Variants in CHD8 observed in about 807,000 individuals in gnomAD.
CHD8 encodes chromodomain helicase DNA binding protein 8.
CHD8 carries 31 observed loss-of-function variants against 279.2 expected under a neutral mutation model. The observed-to-expected ratio is 0.11, with a 90% CI of 0.08 to 0.15. The LOEUF (loss-of-function observed/expected upper bound fraction) is 0.15, where lower values mean the gene tolerates loss of function less well. Ranked by LOEUF, CHD8 falls within the 10% of genes least tolerant of loss-of-function variation. The pLI is 1.00. For missense variants in CHD8, 2,146 were observed against 3,230.5 expected (o/e 0.66, Z 8.14); for synonymous variants, 1,081 against 1,139.6 (o/e 0.95, Z 1.04).
intron 5 of CHD8, among the ~76,000 whole-genome samples, chr14:21,421,806 C>G (rs56085953): frequency 0.093 from 14,166 of 152,114 alleles, 1,577 homozygotes; most frequent in African/African-American, 0.27. Flanking sequence ...AATAGGGCTT[C>G]CAACGGTCAT....
chr14:21,437,130 C>T (rs1243075979), intron 1 of CHD8: 6 of 980,908 alleles, frequency 6.1e-6, no homozygotes, highest in Non-Finnish European at 8.2e-6. Flanking sequence ...CCGAGAGGCC[C>T]GACAAGCCCT....
At chr14:21,386,971 G>C (rs1887276451) in intron 37 of CHD8, among the ~76,000 whole-genome samples, 1 of 152,076 alleles carries the variant, frequency 6.6e-6, no homozygotes, top group Non-Finnish European at 1.5e-5. Context: ...ATCAGATAAA[G>C]ATTTCTACAT....
At chr14:21,442,680 AGAGGGGAGGG>A (rs1186655989) in intron 1 of CHD8, among the ~76,000 whole-genome samples, 40 of 57,920 alleles carry the variant, frequency 6.9e-4, no homozygotes, top group South Asian at 1.9e-3. Context: ...GGAGGAGAGG[AGAGGGGAGGG>A]GAGGGGAGGA....
At chr14:21,393,411 G>A in intron 32 of CHD8, 65 bp downstream of exon 32, 2 of 1,498,374 alleles carry the variant, frequency 1.3e-6, no homozygotes, top group Admixed American at 2.4e-5. Context: ...GATGCATTTA[G>A]AAAAGGGAAA....
rs186122336 is a variant in CHD8 at position 21,437,584 on chromosome 14, G to C, written c.-215-5726C>G. ...CTGAAGAGTATAAACTTGGGAGGGAGGGTTCCGCGCTAGGCCAGCTCCGCC... is the reference window on the plus strand; with the variant it reads ...CTGAAGAGTATAAACTTGGGAGGGACGGTTCCGCGCTAGGCCAGCTCCGCC... On this transcript the variant is annotated intron_variant, in intron 1 of 37. Coordinates refer to ENST00000646647, the MANE Select transcript of CHD8 (RefSeq NM_001170629.2). Among the ~76,000 whole-genome samples the C allele has an allele frequency of 1.2e-3, 186 of 152,274 alleles. 2 individuals are homozygous for C. The highest frequency in any genetic ancestry group is 3.6e-3 in the African/African-American group (151 of 41,566).
chr14:21,386,102 G>A lies in CHD8; in HGVS notation c.7257C>T (p.Ala2419=). Residue 2419 remains alanine (A), a synonymous_variant, in exon 38 of 38, where the codon GCC becomes GCT. Transcript: ENST00000646647. The part of the protein sequence containing the change: ...PIAPESSKKR[A]RRMRPDLSKM... ...TAGAAAGGTCTGGTCGCATCCTACG[G>A]GCCCGCTTCTTGCTGCTCTCTGGTG... 1 of 1,558,814 alleles carries A rather than the reference G, an allele frequency of 6.4e-7. No homozygotes were observed.
At chr14:21,386,475 T>C (rs1887242184) in intron 37 of CHD8, 1 of 406,974 alleles carries the variant, frequency 2.5e-6, no homozygotes, top group Non-Finnish European at 4.5e-6. Context: ...TAGTCAACCA[T>C]TTCACAAATG....
intron 7 of CHD8, chr14:21,415,209 C>A (rs1888661275): frequency 2.0e-6 from 1 of 504,034 alleles, no homozygotes; most frequent in Non-Finnish European, 3.5e-6. Context: ...AAAAGAAGCA[C>A]CAGTAAAGCA....
intron 10 of CHD8, among the ~76,000 whole-genome samples, chr14:21,411,983 G>A (rs777409948): frequency 6.6e-6 from 1 of 151,700 alleles, no homozygotes; most frequent in South Asian, 2.1e-4. Context: ...AGAATTACTT[G>A]AATCTGGGAG....
intron 5 of CHD8, chr14:21,419,786 G>A: frequency 1.1e-5 from 4 of 364,528 alleles, no homozygotes; most frequent in South Asian, 2.3e-5. Context: ...AATTCCTGGA[G>A]TGTCGGAACT....
At chr14:21,433,025 T>C (rs187416506) in intron 1 of CHD8, among the ~76,000 whole-genome samples, 12 of 152,356 alleles carry the variant, frequency 7.9e-5, no homozygotes. Flanking sequence ...CTCTGTACCA[T>C]GGCCCAGCTC....
At chr14:21,425,861 G>A (rs1057065043) in intron 5 of CHD8, 6 of 347,384 alleles carry the variant, frequency 1.7e-5, no homozygotes, top group Non-Finnish European at 3.1e-5. Context: ...GTTTGAAACC[G>A]GGAGGCAGAG....
At chr14:21,455,086 A>T (rs1890352786) in intron 1 of CHD8, 1 of 152,258 alleles carries the variant, frequency 6.6e-6, no homozygotes, top group South Asian at 2.1e-4. Flanking sequence ...GGTAGGATGC[A>T]GCAGACACTG....
chr14:21,401,255 C>T (rs1443554314), intron 21 of CHD8, 148 bp downstream of exon 21: 12 of 735,746 alleles, frequency 1.6e-5, no homozygotes, highest in Non-Finnish European at 2.4e-5. Context: ...TTTCTGGGGC[C>T]TCCTAGGTAG....
At chr14:21,422,914 G>A (rs559478965) in intron 5 of CHD8, among the ~76,000 whole-genome samples, 16 of 152,064 alleles carry the variant, frequency 1.1e-4, no homozygotes, top group African/African-American at 3.9e-4. Context: ...GGGAAACAGA[G>A]CAAGACTCTG....
rs928198790 is a variant in CHD8, at chr14:21,412,969, C to T, written c.2170G>A (p.Val724Ile). 10 of 1,609,898 alleles carry T rather than the reference C, an allele frequency of 6.2e-6. No homozygotes were observed. The highest frequency in any genetic ancestry group is 2.2e-5 in the East Asian group (1 of 44,858). Reference sequence around the variant, plus strand: ...TCATCCAATATCCTATCCACCTCTACGTAGTCTGGATTAAAGGGCTCTTCA... The same window carrying T: ...TCATCCAATATCCTATCCACCTCTATGTAGTCTGGATTAAAGGGCTCTTCA... ...EDEEPFNPDY[V>I]EVDRILDESH... Residue 724 changes from valine (V) to isoleucine (I), a missense_variant, in exon 10 of 38, where the codon GTA (valine) becomes ATA (isoleucine). Physicochemically the swap from Val to Ile is conservative, Grantham distance 29. This residue lies in a region of CHD8 where 211 missense variants were observed against 464.7 expected (regional missense o/e 0.45). Coordinates refer to ENST00000646647, the MANE Select transcript of CHD8 (RefSeq NM_001170629.2).
Position 21,403,411 on chromosome 14 carries a change from T to G in CHD8, c.3518+42A>C, listed in dbSNP as rs1888118865. ...GGCCCTCCTACTTTTTGCTGCTTTA[T>G]GAGGACAGAGTAACCACAGGCTAGG... On this transcript the variant is annotated intron_variant, in intron 17 of 37. Transcript: ENST00000646647. This position sits in a 1 kb window ranked among gnomAD's most constrained non-coding sequence, Gnocchi z 4.3. The G allele has an allele frequency of 2.0e-6, 3 of 1,512,080 alleles. No homozygotes were observed. Among genetic ancestry groups the G allele is most frequent in the Non-Finnish European group, 9.1e-7 (1 of 1,096,724 alleles). The allele number at this position is 1,512,080 out of a possible 1,614,324, so 93.7% of individuals were successfully genotyped here.
chr14:21,403,909 G>C lies in CHD8; in HGVS notation c.3308-246C>G, dbSNP rs1045998174. Among the ~76,000 whole-genome samples the C allele has an allele frequency of 6.6e-6, 1 of 151,966 alleles. No homozygotes were observed. Among genetic ancestry groups the C allele is most frequent in the African/African-American group, 2.4e-5 (1 of 41,336 alleles). ...AGGTCAGGAGTTCGAGACCAGTCTG[G>C]CCAACATGGTGAAACCCCGTCTCTA... On this transcript the variant is annotated intron_variant, in intron 16 of 37. Coordinates refer to ENST00000646647, the MANE Select transcript of CHD8 (RefSeq NM_001170629.2). This position sits in a 1 kb window ranked among gnomAD's most constrained non-coding sequence, Gnocchi z 4.3.
Position 21,402,876 on chromosome 14 carries a change from T to C in CHD8, c.3714+141A>G. On this transcript the variant is annotated intron_variant, in intron 18 of 37. Coordinates refer to ENST00000646647, the MANE Select transcript of CHD8 (RefSeq NM_001170629.2). This position sits in a 1 kb window ranked among gnomAD's most constrained non-coding sequence, Gnocchi z 4.5. Reference sequence around the variant, plus strand: ...TGTCTTGTCGTTTACAGAAAACGTTTGCTGATTCCCTGACCTAACTGCCAC... The same window carrying C: ...TGTCTTGTCGTTTACAGAAAACGTTCGCTGATTCCCTGACCTAACTGCCAC... 1 of 678,858 alleles carries C rather than the reference T, an allele frequency of 1.5e-6. No homozygotes were observed. Among genetic ancestry groups the C allele is most frequent in the South Asian group, 2.1e-5 (1 of 46,562 alleles). The allele number at this position is 678,858 out of a possible 1,614,324, so 42.1% of individuals were successfully genotyped here. A position where few individuals can be genotyped will look rare whatever the true frequency, so the allele number is the denominator to read the frequency against.
Sources: allele counts gnomAD v4.1 joint callset (sites outside exome capture counted in the v4.1 genomes callset), GRCh38; gene constraint gnomAD v4.1.1; regional missense constraint gnomAD v4.1.1; non-coding constraint Gnocchi (gnomAD v3.1); transcripts MANE v1.5; gene names NCBI Gene and HGNC (gene_info 2026-07-23, HGNC 2026-07-21).